The following PPARGC1A variants were observed in gnomAD, a reference collection of about 807,000 sequenced individuals.
The protein encoded by PPARGC1A is peroxisome proliferator-activated receptor gamma coactivator 1-alpha.
A neutral mutation model predicts 88.7 loss-of-function variants in PPARGC1A; 25 were observed. That is an observed-to-expected ratio of 0.28 (90% CI 0.21 to 0.39). The LOEUF (loss-of-function observed/expected upper bound fraction) is 0.39, where lower values mean the gene tolerates loss of function less well. Ranked by LOEUF, PPARGC1A falls within the 10% of genes least tolerant of loss-of-function variation. The pLI, the probability that PPARGC1A is intolerant of heterozygous loss-of-function variation, is 1.00. For missense variants in PPARGC1A, 880 were observed against 968.7 expected (o/e 0.91, Z 1.22); for synonymous variants, 363 against 355.6 (o/e 1.02, Z -0.24).
chr4:24,160,263 T>C, the PPARGC1A span, among the ~76,000 whole-genome samples: 1 of 152,214 alleles, frequency 6.6e-6, no homozygotes, highest in South Asian at 2.1e-4. Context: ...GGATACATCA[T>C]TGAACAAAAC....
chr4:23,999,603 T>C, the PPARGC1A span, among the ~76,000 whole-genome samples: 26,210 of 152,134 alleles, frequency 0.17, 2,370 homozygotes, highest in East Asian at 0.26. Flanking sequence ...AAAGGGATTT[T>C]GGAAACTTCT....
the PPARGC1A span, among the ~76,000 whole-genome samples, chr4:23,921,860 C>T: frequency 2.4e-4 from 37 of 152,302 alleles, no homozygotes; most frequent in African/African-American, 8.9e-4. Flanking sequence ...CGGAATACCT[C>T]TTCTTGGCCC....
the PPARGC1A span, among the ~76,000 whole-genome samples, chr4:24,188,098 T>C: frequency 3.3e-4 from 51 of 152,264 alleles, no homozygotes; most frequent in East Asian, 6.2e-3. Context: ...ATAATTCCAA[T>C]GTGTAAGGCA....
chr4:23,904,970 C>T (rs185477080), upstream of PPARGC1A, among the ~76,000 whole-genome samples: 32 of 152,306 alleles, frequency 2.1e-4, no homozygotes, highest in Admixed American at 3.3e-4. Flanking sequence ...TCCCTGGCAG[C>T]GGTGGCGCTA....
upstream of PPARGC1A, among the ~76,000 whole-genome samples, chr4:23,904,801 A>C (rs551470202): frequency 1.3e-5 from 2 of 152,328 alleles, no homozygotes; most frequent in African/African-American, 4.8e-5. Context: ...TTTGAATTTA[A>C]GAATTACTCA....
chr4:23,968,810 G>A, the PPARGC1A span, among the ~76,000 whole-genome samples: 2 of 152,062 alleles, frequency 1.3e-5, no homozygotes, highest in Admixed American at 1.3e-4. Flanking sequence ...AGCTACTAAG[G>A]AGGCTGAGGC....
At chr4:24,306,855 C>T in the PPARGC1A span, among the ~76,000 whole-genome samples, 3 of 152,142 alleles carry the variant, frequency 2.0e-5, no homozygotes, top group African/African-American at 2.4e-5. Flanking sequence ...ACTGGGAAAC[C>T]ACAAAGGGCT....
chr4:24,406,925 C>T, the PPARGC1A span, among the ~76,000 whole-genome samples: 4 of 152,176 alleles, frequency 2.6e-5, no homozygotes, highest in African/African-American at 7.2e-5. Context: ...TTCCTGCTAC[C>T]AGGGCCCCTC....
chr4:23,963,400 T>G, the PPARGC1A span, among the ~76,000 whole-genome samples: 3 of 152,194 alleles, frequency 2.0e-5, no homozygotes, highest in Non-Finnish European at 4.4e-5. Flanking sequence ...CCGGATGAAC[T>G]TTCAGAGTGC....
the PPARGC1A span, among the ~76,000 whole-genome samples, chr4:24,058,169 T>G: frequency 1.3e-5 from 2 of 152,216 alleles, no homozygotes; most frequent in Non-Finnish European, 2.9e-5. Context: ...GGCCCATCGC[T>G]CCTGCTCTTC....
chr4:24,127,165 AC>A, the PPARGC1A span, among the ~76,000 whole-genome samples: 1 of 152,018 alleles, frequency 6.6e-6, no homozygotes, highest in Non-Finnish European at 1.5e-5. Flanking sequence ...CTTTTTATCA[AC>A]CTACTTGGTT....
chr4:23,986,360 T>TGA, the PPARGC1A span, among the ~76,000 whole-genome samples: 1 of 152,232 alleles, frequency 6.6e-6, no homozygotes, highest in South Asian at 2.1e-4. Flanking sequence ...TTTAACATTT[T>TGA]GACTCAGGTT....
chr4:24,397,176 A>T, the PPARGC1A span, among the ~76,000 whole-genome samples: 1 of 152,200 alleles, frequency 6.6e-6, no homozygotes. Flanking sequence ...GTAAATTAAA[A>T]TATGACGCAA....
chr4:24,179,534 G>A, the PPARGC1A span, among the ~76,000 whole-genome samples: 6 of 152,070 alleles, frequency 3.9e-5, no homozygotes, highest in Admixed American at 2.0e-4. Flanking sequence ...GCCCATGCTA[G>A]CCTGCTAGAT....
the PPARGC1A span, among the ~76,000 whole-genome samples, chr4:24,160,415 T>C: frequency 6.6e-6 from 1 of 152,326 alleles, no homozygotes; most frequent in African/African-American, 2.4e-5. Context: ...TATATTGTAA[T>C]TGGAACTGGT....
the PPARGC1A span, among the ~76,000 whole-genome samples, chr4:24,315,463 A>G: frequency 6.6e-6 from 1 of 152,226 alleles, no homozygotes; most frequent in Non-Finnish European, 1.5e-5. Flanking sequence ...AATTCAGTCC[A>G]TGAGGAATAG....
At chr4:23,852,736 C>T (rs1729525225) in intron 2 of PPARGC1A, among the ~76,000 whole-genome samples, 1 of 152,090 alleles carries the variant, frequency 6.6e-6, no homozygotes, top group South Asian at 2.1e-4. Context: ...AAGTATTATA[C>T]AGCATCATGC....
chr4:24,287,940 A>G, the PPARGC1A span, among the ~76,000 whole-genome samples: 2 of 152,112 alleles, frequency 1.3e-5, no homozygotes, highest in Non-Finnish European at 2.9e-5. Flanking sequence ...GAGAATGCCA[A>G]CCAGCTGATC....
chr4:24,432,132 A>G, the PPARGC1A span, among the ~76,000 whole-genome samples: 4 of 152,220 alleles, frequency 2.6e-5, no homozygotes, highest in Admixed American at 2.6e-4. Flanking sequence ...ACTCAGGTGA[A>G]TAAGACAGAG....
Sources: gnomAD v4.1 joint callset for allele counts (sites outside exome capture counted in the v4.1 genomes callset) on GRCh38, gnomAD v4.1.1 for gene constraint, MANE v1.5 for transcripts, NCBI Gene and HGNC (gene_info 2026-07-23, HGNC 2026-07-21) for gene names.